Variants in DAB1 observed in about 807,000 individuals in gnomAD.
The protein encoded by DAB1 is DAB adaptor protein 1, also known as disabled homolog 1.
In DAB1, 15 loss-of-function variants were observed where a neutral mutation model predicts 64.6. The ratio of observed to expected loss-of-function variants is 0.23; its 90% CI spans 0.16 to 0.36. The LOEUF (loss-of-function observed/expected upper bound fraction) is 0.36, where lower values mean the gene tolerates loss of function less well. Ranked by LOEUF, DAB1 falls within the 10% of genes least tolerant of loss-of-function variation. The pLI is 1.00. For synonymous variants in DAB1, 235 were observed against 251.9 expected (o/e 0.93, Z 0.64); for missense variants, 596 against 706.7 (o/e 0.84, Z 1.78).
intron 2 of DAB1, among the ~76,000 whole-genome samples, chr1:57,209,410 G>A (rs966505173): frequency 2.5e-4 from 38 of 152,326 alleles, no homozygotes; most frequent in South Asian, 1.5e-3. Context: ...TCTTCACGTT[G>A]CAAACTGGCT....
rs545767795 is a variant in DAB1 at position 58,367,436 on chromosome 1, G to C, written n.258-24033C>G. 4.6e-5 allele frequency among the ~76,000 whole-genome samples: 7 copies of C among 152,228 alleles called. No homozygotes were observed. The South Asian group carries it at 1.2e-3, about 27-fold the overall frequency. Reference sequence around the variant, plus strand: ...GCTTGCCAATAAACTCATAAATCATGTATCTATATGACAGAGGAGTGCAGG... The same window carrying C: ...GCTTGCCAATAAACTCATAAATCATCTATCTATATGACAGAGGAGTGCAGG... On this transcript the variant is annotated intron_variant and non_coding_transcript_variant, in intron 3 of 20. Transcript: ENST00000485760.
At chr1:57,534,089 G>A (rs568273709) in intron 7 of DAB1, among the ~76,000 whole-genome samples, 2 of 152,100 alleles carry the variant, frequency 1.3e-5, no homozygotes, top group East Asian at 3.9e-4. Flanking sequence ...CTGTCTTCAT[G>A]GTCAAACCAT....
chr1:57,399,864 C>G (rs1017981143), intron 1 of DAB1, among the ~76,000 whole-genome samples: 4 of 152,180 alleles, frequency 2.6e-5, no homozygotes, highest in African/African-American at 7.2e-5. Context: ...AAGGTTCCTG[C>G]CTTGCAATGA....
chr1:57,394,780 G>A (rs1377507695), intron 1 of DAB1, among the ~76,000 whole-genome samples: 1 of 152,158 alleles, frequency 6.6e-6, no homozygotes, highest in Non-Finnish European at 1.5e-5. Flanking sequence ...ACTGTGCATT[G>A]AGAATCTCCT....
rs572761578 is a variant in DAB1, at chr1:58,389,253, C to T, written n.258-45850G>A. On this transcript the variant is annotated intron_variant and non_coding_transcript_variant, in intron 3 of 20. Coordinates refer to the DAB1 transcript ENST00000485760. Reference sequence around the variant, plus strand: ...AGTTGTTTGAGACCAGCCAGGGCAACATACAAAGACTCCATTTCTAAAAAT... The same window carrying T: ...AGTTGTTTGAGACCAGCCAGGGCAATATACAAAGACTCCATTTCTAAAAAT... 3.3e-5 allele frequency among the ~76,000 whole-genome samples: 5 copies of T among 152,308 alleles called. No homozygotes were observed. The East Asian group carries it at 9.6e-4, about 29-fold the overall frequency.
chr1:57,269,159 C>T (rs1408181809), intron 2 of DAB1, among the ~76,000 whole-genome samples: 2 of 152,052 alleles, frequency 1.3e-5, no homozygotes, highest in Non-Finnish European at 2.9e-5. Context: ...TACCTTTGGC[C>T]CAACCTCCAG....
At chr1:57,310,197 T>C (rs977297326) in intron 1 of DAB1, among the ~76,000 whole-genome samples, 38 of 152,222 alleles carry the variant, frequency 2.5e-4, no homozygotes, top group African/African-American at 8.9e-4. Flanking sequence ...GGGAGGGCTA[T>C]AAGAAGTGCT....
chr1:57,911,161 T>C (rs897662453), intron 5 of DAB1, among the ~76,000 whole-genome samples: 2 of 152,204 alleles, frequency 1.3e-5, no homozygotes, highest in African/African-American at 4.8e-5. Context: ...AGCCATGGAA[T>C]GGATAACCAC....
At chr1:58,219,184 G>T (rs191743500) in intron 4 of DAB1, among the ~76,000 whole-genome samples, 1 of 152,122 alleles carries the variant, frequency 6.6e-6, no homozygotes, top group East Asian at 1.9e-4. Flanking sequence ...TTCCATCTAT[G>T]TTCCTCCTCT....
Position 57,432,471 on chromosome 1 carries a change from G to GA in DAB1, n.626-141306dup, listed in dbSNP as rs894099852. On this transcript the variant is annotated intron_variant and non_coding_transcript_variant, in intron 7 of 20. Coordinates refer to the DAB1 transcript ENST00000485760. ...TGTGTATCAAAAGATGGACCAACTG[G>GA]AAAAAAAATGCTTTCCCTTTGTTAC... Among the ~76,000 whole-genome samples the GA allele has an allele frequency of 5.3e-5, 8 of 151,732 alleles. 1 individual carries two copies. In the South Asian group the frequency reaches 8.3e-4, roughly 16 times the overall value.
intron 5 of DAB1, among the ~76,000 whole-genome samples, chr1:58,133,436 C>T (rs1196438790): frequency 2.0e-5 from 3 of 152,150 alleles, no homozygotes; most frequent in African/African-American, 7.2e-5. Context: ...TCTGGGTTAT[C>T]TTTCATAATC....
chr1:57,338,428 T>C (rs1677281735), intron 1 of DAB1, among the ~76,000 whole-genome samples: 1 of 152,196 alleles, frequency 6.6e-6, no homozygotes, highest in South Asian at 2.1e-4. Flanking sequence ...TACCTCATTT[T>C]AGATGGTAGC....
At chr1:57,170,530 G>A (rs1661645015) in intron 2 of DAB1, among the ~76,000 whole-genome samples, 1 of 152,104 alleles carries the variant, frequency 6.6e-6, no homozygotes, top group African/African-American at 2.4e-5. Flanking sequence ...AGACCTGTCA[G>A]GTACTTACTA....
chr1:57,947,370 C>G (rs1645199633), intron 5 of DAB1, among the ~76,000 whole-genome samples: 1 of 152,178 alleles, frequency 6.6e-6, no homozygotes, highest in African/African-American at 2.4e-5. Flanking sequence ...CCAGCAACCT[C>G]TGCACTTCAG....
intron 4 of DAB1, chr1:58,228,769 T>G (rs540560278): frequency 5.7e-6 from 5 of 872,204 alleles, no homozygotes; most frequent in African/African-American, 5.0e-5. Context: ...TAGGTGGTTA[T>G]GCAAACAAGA....
chr1:58,092,714 A>AT (rs1437568178), intron 5 of DAB1, among the ~76,000 whole-genome samples: 1 of 152,180 alleles, frequency 6.6e-6, no homozygotes, highest in Non-Finnish European at 1.5e-5. Flanking sequence ...ACGTCTAAGT[A>AT]GAGAGTAGGT....
chr1:58,372,802 G>C (rs115664890), intron 3 of DAB1, among the ~76,000 whole-genome samples: 3 of 152,164 alleles, frequency 2.0e-5, no homozygotes, highest in East Asian at 3.9e-4. Flanking sequence ...TCTCTTTCTT[G>C]TCTGCCACCA....
intron 5 of DAB1, among the ~76,000 whole-genome samples, chr1:58,128,907 T>C (rs1261028102): frequency 6.7e-6 from 1 of 148,840 alleles, no homozygotes; most frequent in Non-Finnish European, 1.5e-5. Context: ...AGGATATTGG[T>C]CTAAAATTCT....
intron 14 of DAB1, among the ~76,000 whole-genome samples, chr1:57,007,029 T>TC (rs993522417): frequency 3.3e-5 from 5 of 151,354 alleles, no homozygotes; most frequent in South Asian, 2.1e-4. Context: ...TCCTTTTTTT[T>TC]CTCTCTCTCT....
Sources: allele counts gnomAD v4.1 joint callset (sites outside exome capture counted in the v4.1 genomes callset), GRCh38; gene constraint gnomAD v4.1.1; transcripts MANE v1.5; gene names NCBI Gene and HGNC (gene_info 2026-07-23, HGNC 2026-07-21).